The following HMCN1 variants were observed in gnomAD, a reference collection of about 807,000 sequenced individuals.
HMCN1 encodes hemicentin-1.
HMCN1 carries 321 observed loss-of-function variants against 625.9 expected under a neutral mutation model. The ratio of observed to expected loss-of-function variants is 0.51; its 90% CI spans 0.47 to 0.56. The LOEUF (loss-of-function observed/expected upper bound fraction) is 0.56, where lower values mean the gene tolerates loss of function less well. Among genes scored for constraint, HMCN1 ranks in the 20% least tolerant of loss-of-function variants. The pLI is 0.00. For missense variants in HMCN1, 6,588 were observed against 6,887.3 expected (o/e 0.96, Z 1.54); for synonymous variants, 2,425 against 2,417.6 (o/e 1.00, Z -0.09).
chr1:186,045,653 G>A (rs763828138), intron 40 of HMCN1, 35 bp from the exon 41 acceptor site: 1 of 1,559,688 alleles, frequency 6.4e-7, no homozygotes, highest in South Asian at 1.1e-5. Context: ...GTGCTGGCCT[G>A]TTTTATCCTG....
In HMCN1 at chr1:185,892,186, A is replaced by G. The variant is rs1243321284; in HGVS notation, c.622-17151A>G. Among the ~76,000 whole-genome samples the G allele has an allele frequency of 1.3e-5, 2 of 148,388 alleles. 1 individual carries two copies. Among genetic ancestry groups the G allele is most frequent in the African/African-American group, 5.3e-5 (2 of 37,958 alleles). Reference sequence around the variant, plus strand: ...TCAGCTCCTTTAAGCACCTCTCTGTATTGGTTATTCTAGTTATACATTCTT... The same window carrying G: ...TCAGCTCCTTTAAGCACCTCTCTGTGTTGGTTATTCTAGTTATACATTCTT... On this transcript the variant is annotated intron_variant, in intron 4 of 106. Transcript: ENST00000271588.
rs12066029 is a variant in HMCN1, at chr1:185,781,176, T to C, written c.268+46129T>C. The stretch of plus-strand genomic sequence containing the variant: ...ATTCTCTGATGGTAGTTTGTATTTC[T>C]GTGCAATCGGTGGTGATATCCCCTT... On this transcript the variant is annotated intron_variant, in intron 1 of 106. Coordinates refer to ENST00000271588, the MANE Select transcript of HMCN1 (RefSeq NM_031935.3). Among the ~76,000 whole-genome samples, 356 of 152,364 alleles carry C rather than the reference T, an allele frequency of 2.3e-3. 1 individual carries two copies. Among genetic ancestry groups the C allele is most frequent in the African/African-American group, 8.2e-3 (339 of 41,588 alleles).
At position 186,151,244 on chromosome 1, in the gene HMCN1, G is replaced by A; in HGVS notation, c.14653G>A (p.Asp4885Asn). 1 of 1,613,764 alleles carries A rather than the reference G, an allele frequency of 6.2e-7. No individual in the cohort carries two copies. The highest frequency in any genetic ancestry group is 8.5e-7 in the Non-Finnish European group (1 of 1,179,750). ...AGGAAGTGTTATTGGAAATATTAAT[G>A]ATGTTGAATTTGGAATTGCTTTCCT... is the stretch of plus-strand genomic sequence containing the variant. ...ARGSVIGNIN[D>N]VEFGIAFLNA... Residue 4885 changes from aspartate (D) to asparagine (N), a missense_variant, in exon 94 of 107, where the codon GAT becomes AAT. Coordinates refer to ENST00000271588, the MANE Select transcript of HMCN1 (RefSeq NM_031935.3).
chr1:186,081,269 A>G lies in HMCN1; in HGVS notation c.8662A>G (p.Lys2888Glu), dbSNP rs745459538. 3 of 1,613,658 alleles carry G rather than the reference A, an allele frequency of 1.9e-6. No homozygotes were observed. Among genetic ancestry groups the G allele is most frequent in the Admixed American group, 3.3e-5 (2 of 59,978 alleles). The change falls in exon 56 of 107, where the codon AAG becomes GAG. Residue 2888 changes from lysine to glutamate, a missense_variant. Physicochemically the swap from Lys to Glu is moderately conservative, Grantham distance 56. This residue lies in a region of HMCN1 where 4,628 missense variants were observed against 4,853.1 expected (regional missense o/e 0.95). Transcript: ENST00000271588. ...LPEEVTVLVN[K>E]SALIECLSSG... is the part of the protein sequence containing the mutation. ...TGAAGAGGTCACCGTGCTGGTGAACAAGAGTGCACTGATAGAGTGTTTATC... is the reference window on the plus strand; with the variant it reads ...TGAAGAGGTCACCGTGCTGGTGAACGAGAGTGCACTGATAGAGTGTTTATC...
At chr1:185,994,156 T>C (rs1426778750) in intron 23 of HMCN1, among the ~76,000 whole-genome samples, 2 of 152,314 alleles carry the variant, frequency 1.3e-5, no homozygotes, top group Non-Finnish European at 2.9e-5. Flanking sequence ...TAAGGATGTA[T>C]GGTACATTAA....
intron 2 of HMCN1, among the ~76,000 whole-genome samples, chr1:185,849,297 C>A (rs1370896909): frequency 1.3e-5 from 2 of 152,118 alleles, no homozygotes; most frequent in Non-Finnish European, 2.9e-5. Context: ...ACTCCCTTAA[C>A]CTAGTTTAAA....
chr1:186,103,960 G>A lies in HMCN1; in HGVS notation c.10770+292G>A, dbSNP rs535360105. 2.4e-4 allele frequency among the ~76,000 whole-genome samples: 37 copies of A among 152,244 alleles called. No individual in the cohort carries two copies. In the South Asian group the frequency reaches 7.7e-3, roughly 32 times the overall value. ...TCCCAAAGTTCTTAATTTATACTAT[G>A]TACCCCTTAATGGAACTGGCAAAAA... is the stretch of plus-strand genomic sequence containing the variant. On this transcript the variant is annotated intron_variant, in intron 69 of 106. Coordinates refer to ENST00000271588, the MANE Select transcript of HMCN1 (RefSeq NM_031935.3).
intron 11 of HMCN1, among the ~76,000 whole-genome samples, chr1:185,941,360 C>A (rs1668071573): frequency 6.6e-6 from 1 of 152,130 alleles, no homozygotes; most frequent in Non-Finnish European, 1.5e-5. Flanking sequence ...TGGTACTTAA[C>A]AAGCATCTAC....
intron 85 of HMCN1, 39 bp downstream of exon 85, chr1:186,130,736 C>T: frequency 6.4e-7 from 1 of 1,565,860 alleles, no homozygotes; most frequent in Non-Finnish European, 8.8e-7. Flanking sequence ...CTTTAAACCC[C>T]CACAGCCAAT....
chr1:185,986,801 T>C (rs140361106), intron 19 of HMCN1, among the ~76,000 whole-genome samples: 1,942 of 143,068 alleles, frequency 0.014, 43 homozygotes, highest in African/African-American at 0.048. Flanking sequence ...AAGACCAGCC[T>C]GGGTAACACA....
At position 186,190,564 on chromosome 1, in the gene HMCN1, C is replaced by G. The variant is rs1395141063; in HGVS notation, c.*686C>G. The G allele has an allele frequency of 5.0e-6, 1 of 201,316 alleles. No homozygotes were observed. The allele number at this position is 201,316 out of a possible 1,614,324, so 12.5% of individuals were successfully genotyped here. A position where few individuals can be genotyped will look rare whatever the true frequency, so the allele number is the denominator to read the frequency against. ...ATAATAAAAAAGACTGCTTTGCCCT[C>G]ACGTCAGTTGTACATGGCATGGAAC... On this transcript the variant is annotated 3_prime_UTR_variant, in exon 107 of 107. Coordinates refer to ENST00000271588, the MANE Select transcript of HMCN1 (RefSeq NM_031935.3).
At chr1:186,065,991 AG>A (rs1253514961) in intron 49 of HMCN1, among the ~76,000 whole-genome samples, 1 of 152,184 alleles carries the variant, frequency 6.6e-6, no homozygotes, top group Non-Finnish European at 1.5e-5. Flanking sequence ...CCTATATGTG[AG>A]TATGAAAATT....
intron 1 of HMCN1, among the ~76,000 whole-genome samples, chr1:185,797,965 CAA>C (rs35031310): frequency 1.2e-3 from 16 of 13,660 alleles, no homozygotes; most frequent in African/African-American, 4.1e-3. Flanking sequence ...GACTCCGTCT[CAA>C]AAAAAAAAAA....
intron 39 of HMCN1, 21 bp from the exon 40 acceptor site, chr1:186,040,992 T>C: frequency 6.2e-7 from 1 of 1,611,896 alleles, no homozygotes; most frequent in East Asian, 2.2e-5. Flanking sequence ...ATTGGTTATT[T>C]AGCGTTCTTA....
At chr1:185,926,862 C>A (rs151182088) in intron 9 of HMCN1, among the ~76,000 whole-genome samples, 35 of 152,152 alleles carry the variant, frequency 2.3e-4, no homozygotes, top group African/African-American at 8.0e-4. Context: ...TTTTATTTGA[C>A]GTGTTCTTTT....
intron 14 of HMCN1, among the ~76,000 whole-genome samples, chr1:185,970,092 G>A (rs565766103): frequency 6.6e-6 from 1 of 152,100 alleles, no homozygotes; most frequent in Non-Finnish European, 1.5e-5. Flanking sequence ...GTTCCCCAAG[G>A]TATCTTCAAA....
intron 4 of HMCN1, among the ~76,000 whole-genome samples, chr1:185,888,486 T>C (rs1485280853): frequency 1.4e-5 from 2 of 143,022 alleles, no homozygotes; most frequent in Non-Finnish European, 3.0e-5. Flanking sequence ...AATTTTTGTA[T>C]AAGGTGTAAG....
chr1:185,869,760 T>C (rs750086688), intron 4 of HMCN1, among the ~76,000 whole-genome samples: 5 of 152,168 alleles, frequency 3.3e-5, no homozygotes, highest in South Asian at 2.1e-4. Flanking sequence ...TTCCAAATTA[T>C]TCTATTACGT....
At position 185,993,329 on chromosome 1, in the gene HMCN1, C is replaced by T. The variant is rs374193729; in HGVS notation, c.3505+20C>T. 85 of 1,611,580 alleles carry T rather than the reference C, an allele frequency of 5.3e-5. No individual in the cohort carries two copies. The East Asian group carries it at 1.5e-3, about 28-fold the overall frequency. ...TCCATGGTGAGTCTTGAAATGAGAA[C>T]ATATGACAACCCTGTGGACTGGCCA... On this transcript the variant is annotated intron_variant, in intron 23 of 106. Transcript: ENST00000271588.
Sources: gnomAD v4.1 joint callset for allele counts (sites outside exome capture counted in the v4.1 genomes callset) on GRCh38, gnomAD v4.1.1 for gene constraint, gnomAD v4.1.1 regional missense constraint, MANE v1.5 for transcripts, NCBI Gene and HGNC (gene_info 2026-07-23, HGNC 2026-07-21) for gene names.